NLGN1: variants seen among roughly 807,000 people sequenced by gnomAD.
NLGN1 encodes neuroligin 1, also known as neuroligin-1.
Under a neutral mutation model 65.5 loss-of-function variants are expected in NLGN1, and 12 were observed. The observed-to-expected ratio is 0.18, with a 90% CI of 0.12 to 0.30. The LOEUF is 0.30. NLGN1 is among the 10% of genes least tolerant of loss of function. The pLI is 1.00. For synonymous variants in NLGN1, 350 were observed against 359.5 expected (o/e 0.97, Z 0.30); for missense variants, 750 against 1,007.1 (o/e 0.74, Z 3.46).
chr3:173,712,759 A>G (rs1769185456), intron 3 of NLGN1, among the ~76,000 whole-genome samples: 1 of 152,156 alleles, frequency 6.6e-6, no homozygotes, highest in African/African-American at 2.4e-5. Context: ...ATATAAGTGC[A>G]ACTAGTTGTG....
At chr3:174,078,497 A>C (rs1741473943) in intron 4 of NLGN1, among the ~76,000 whole-genome samples, 1 of 152,164 alleles carries the variant, frequency 6.6e-6, no homozygotes, top group Non-Finnish European at 1.5e-5. Flanking sequence ...TTATGTGTGT[A>C]TAGGATTAGA....
chr3:173,808,742 T>C (rs1030349003), intron 4 of NLGN1, among the ~76,000 whole-genome samples: 17 of 152,174 alleles, frequency 1.1e-4, no homozygotes, highest in African/African-American at 4.1e-4. Context: ...TACTATAGAC[T>C]TGAAGAAGCG....
intron 4 of NLGN1, among the ~76,000 whole-genome samples, chr3:174,169,729 G>A (rs1033087973): frequency 1.2e-4 from 18 of 152,106 alleles, no homozygotes; most frequent in Non-Finnish European, 2.1e-4. Context: ...AGGTCACTAA[G>A]CTGGCCTGGG....
intron 4 of NLGN1, among the ~76,000 whole-genome samples, chr3:174,111,140 A>C (rs2152617889): frequency 6.6e-6 from 1 of 152,096 alleles, no homozygotes; most frequent in Non-Finnish European, 1.5e-5. Context: ...CATAACTATT[A>C]GATTTTACAT....
chr3:173,789,919 G>A (rs778032903), intron 3 of NLGN1: 15 of 503,714 alleles, frequency 3.0e-5, no homozygotes, highest in Non-Finnish European at 5.2e-5. Flanking sequence ...TGAGGACAAG[G>A]CACCTGTGAG....
chr3:174,245,875 A>G (rs775004658), intron 4 of NLGN1, among the ~76,000 whole-genome samples: 1 of 152,176 alleles, frequency 6.6e-6, no homozygotes, highest in Non-Finnish European at 1.5e-5. Context: ...TAATATGGCA[A>G]CCTAATAACA....
At chr3:174,132,588 A>G (rs1303621992) in intron 4 of NLGN1, among the ~76,000 whole-genome samples, 3 of 152,162 alleles carry the variant, frequency 2.0e-5, no homozygotes, top group Non-Finnish European at 4.4e-5. Flanking sequence ...TCATCAATAA[A>G]CATTTACTAA....
chr3:173,570,345 G>T (rs1183673341), intron 2 of NLGN1, among the ~76,000 whole-genome samples: 2 of 152,146 alleles, frequency 1.3e-5, no homozygotes, highest in Non-Finnish European at 2.9e-5. Context: ...AGCATGCTTA[G>T]AGAGGCAGTG....
At chr3:174,100,664 T>G (rs1301420035) in intron 4 of NLGN1, among the ~76,000 whole-genome samples, 4 of 152,068 alleles carry the variant, frequency 2.6e-5, no homozygotes, top group Non-Finnish European at 5.9e-5. Flanking sequence ...AGGCTTCACA[T>G]AGGCTGCAGT....
chr3:173,789,557 C>A (rs990897168), intron 3 of NLGN1, among the ~76,000 whole-genome samples: 1 of 152,164 alleles, frequency 6.6e-6, no homozygotes, highest in Admixed American at 6.5e-5. Flanking sequence ...ATGTCTTGAA[C>A]AATGTCATAT....
intron 2 of NLGN1, among the ~76,000 whole-genome samples, chr3:173,446,703 G>C (rs559470429): frequency 4.6e-5 from 7 of 152,180 alleles, no homozygotes; most frequent in South Asian, 2.1e-4. Flanking sequence ...GTTACTATTT[G>C]TCCACATCCT....
At chr3:173,983,407 G>A (rs1236973612) in intron 4 of NLGN1, among the ~76,000 whole-genome samples, 5 of 152,284 alleles carry the variant, frequency 3.3e-5, no homozygotes, top group South Asian at 2.1e-4. Flanking sequence ...GCTTCTGGTC[G>A]AGTCCAGCAG....
intron 4 of NLGN1, among the ~76,000 whole-genome samples, chr3:174,004,739 T>C: frequency 6.6e-6 from 1 of 152,130 alleles, no homozygotes; most frequent in South Asian, 2.1e-4. Context: ...TATCAAAATG[T>C]AAAAGCATCA....
intron 4 of NLGN1, among the ~76,000 whole-genome samples, chr3:173,970,451 G>A (rs1003879106): frequency 6.6e-6 from 1 of 152,072 alleles, no homozygotes; most frequent in African/African-American, 2.4e-5. Flanking sequence ...GAAGTTCAGT[G>A]TGGCTGCAGT....
intron 4 of NLGN1, among the ~76,000 whole-genome samples, chr3:173,940,079 G>GTTTTTTTTTTTT (rs1745752029): frequency 2.2e-5 from 2 of 90,076 alleles, no homozygotes; most frequent in Non-Finnish European, 2.2e-5. Context: ...AATAGTTATA[G>GTTTTTTTTTTTT]CTTTTTTTTT....
intron 4 of NLGN1, among the ~76,000 whole-genome samples, chr3:174,001,127 AT>A (rs1327003889): frequency 1.3e-5 from 2 of 152,160 alleles, no homozygotes; most frequent in African/African-American, 4.8e-5. Flanking sequence ...ATTCTAAAAT[AT>A]TTTTCATGGA....
At chr3:173,584,172 A>G (rs939358414) in intron 2 of NLGN1, among the ~76,000 whole-genome samples, 1 of 151,002 alleles carries the variant, frequency 6.6e-6, no homozygotes, top group Non-Finnish European at 1.5e-5. Context: ...AAGTAGTCAT[A>G]TACTATTCAT....
chr3:173,853,644 G>A (rs923878925), intron 4 of NLGN1, among the ~76,000 whole-genome samples: 15 of 152,038 alleles, frequency 9.9e-5, no homozygotes, highest in Non-Finnish European at 4.4e-5. Context: ...TGCTTACTAA[G>A]TGCATTTTTC....
At chr3:173,799,795 A>G (rs1177603987) in intron 3 of NLGN1, among the ~76,000 whole-genome samples, 1 of 151,884 alleles carries the variant, frequency 6.6e-6, no homozygotes, top group East Asian at 1.9e-4. Flanking sequence ...CCAAATGTTA[A>G]TGTTCTTAAA....
Sources: allele counts gnomAD v4.1 joint callset (sites outside exome capture counted in the v4.1 genomes callset), GRCh38; gene constraint gnomAD v4.1.1; transcripts MANE v1.5; gene names NCBI Gene and HGNC (gene_info 2026-07-23, HGNC 2026-07-21).